Variants in UGGT2 observed in about 807,000 individuals in gnomAD.
The protein encoded by UGGT2 is UDP-glucose:glycoprotein glucosyltransferase 2.
In UGGT2, 180 loss-of-function variants were observed where a neutral mutation model predicts 192.1. The ratio of observed to expected loss-of-function variants is 0.94; its 90% CI spans 0.83 to 1.06. The LOEUF is 1.06. UGGT2 is among the 50% of genes least tolerant of loss of function. The probability of loss-of-function intolerance (pLI) is 0.00; values close to 1 mark genes in which losing one functional copy is unlikely to be tolerated. For missense variants in UGGT2, 1,849 were observed against 1,795.7 expected (o/e 1.03, Z -0.54); for synonymous variants, 580 against 591.0 (o/e 0.98, Z 0.27).
At chr13:95,959,179 C>T (rs2050309601) in intron 12 of UGGT2, among the ~76,000 whole-genome samples, 1 of 152,226 alleles carries the variant, frequency 6.6e-6, no homozygotes. Context: ...AGTCACACTG[C>T]CTCCCCAGCA....
chr13:96,000,753 A>G (rs1402556348), intron 5 of UGGT2, among the ~76,000 whole-genome samples: 2 of 152,180 alleles, frequency 1.3e-5, no homozygotes, highest in Non-Finnish European at 2.9e-5. Context: ...AATGTTCCTA[A>G]ATTCATATTT....
At chr13:95,853,303 G>T (rs1475746798) in intron 36 of UGGT2, among the ~76,000 whole-genome samples, 5 of 152,114 alleles carry the variant, frequency 3.3e-5, no homozygotes, top group Non-Finnish European at 7.4e-5. Flanking sequence ...CTAAAACAGG[G>T]CATAAAGTAG....
intron 36 of UGGT2, among the ~76,000 whole-genome samples, chr13:95,852,005 T>C (rs913210974): frequency 1.3e-5 from 2 of 152,198 alleles, no homozygotes; most frequent in Non-Finnish European, 2.9e-5. Flanking sequence ...AGTTTTCTAC[T>C]AACTGGCAAT....
intron 38 of UGGT2, among the ~76,000 whole-genome samples, chr13:95,814,576 G>T (rs191414733): frequency 4.6e-5 from 7 of 152,106 alleles, no homozygotes; most frequent in Admixed American, 1.3e-4. Flanking sequence ...GCTCATAGGC[G>T]AAGGGATTTG....
intron 32 of UGGT2, among the ~76,000 whole-genome samples, chr13:95,860,226 AT>A (rs1890029230): frequency 6.6e-6 from 1 of 151,564 alleles, no homozygotes; most frequent in South Asian, 2.1e-4. Context: ...ACTTTGCAAT[AT>A]GCATTTCTCC....
chr13:96,027,479 T>TATTTTCTGCCTTTATCTTCAAC (rs2052703958), intron 2 of UGGT2, among the ~76,000 whole-genome samples: 1 of 152,214 alleles, frequency 6.6e-6, no homozygotes, highest in African/African-American at 2.4e-5. Flanking sequence ...GCCCCTTCAA[T>TATTTTCTGCCTTTATCTTCAAC]ATTTTCTGCC....
intron 4 of UGGT2, among the ~76,000 whole-genome samples, chr13:96,020,340 G>A (rs542367398): frequency 1.8e-4 from 28 of 152,216 alleles, no homozygotes; most frequent in African/African-American, 6.0e-4. Context: ...ACAGTCTCTC[G>A]GGGTAGTCCA....
intron 17 of UGGT2, among the ~76,000 whole-genome samples, chr13:95,928,014 G>A (rs1209830900): frequency 1.3e-5 from 2 of 152,214 alleles, no homozygotes; most frequent in Non-Finnish European, 2.9e-5. Flanking sequence ...TCCCAAGGCA[G>A]AAGAATTTTT....
intron 4 of UGGT2, among the ~76,000 whole-genome samples, chr13:96,019,123 G>T (rs1333441862): frequency 2.2e-4 from 1 of 4,620 alleles, no homozygotes; most frequent in Middle Eastern, 0.071. Context: ...CCTACATAGC[G>T]GGGGGGGGGG....
At chr13:95,979,552 A>AAAAAAAAAAAAAT (rs2140844189) in intron 10 of UGGT2, among the ~76,000 whole-genome samples, 1 of 151,178 alleles carries the variant, frequency 6.6e-6, no homozygotes, top group South Asian at 2.1e-4. Flanking sequence ...CTTACGCAAA[A>AAAAAAAAAAAAAT]AAAAAAAAAA....
chr13:95,882,203 C>T (rs559306166), intron 27 of UGGT2, among the ~76,000 whole-genome samples: 6 of 152,272 alleles, frequency 3.9e-5, no homozygotes, highest in African/African-American at 9.6e-5. Flanking sequence ...CCACCATGCC[C>T]GGCCTAGCTT....
intron 6 of UGGT2, among the ~76,000 whole-genome samples, chr13:95,997,270 A>G (rs1009857610): frequency 8.5e-5 from 13 of 152,190 alleles, no homozygotes; most frequent in Non-Finnish European, 1.3e-4. Context: ...GAAGGCACAG[A>G]AAGATATGGG....
chr13:95,987,956 TG>T (rs2051341631), intron 8 of UGGT2, among the ~76,000 whole-genome samples: 1 of 152,194 alleles, frequency 6.6e-6, no homozygotes, highest in East Asian at 1.9e-4. Flanking sequence ...GTAACTAATA[TG>T]GGATCAGTAA....
intron 38 of UGGT2, chr13:95,832,662 C>A: frequency 1.9e-6 from 1 of 537,030 alleles, no homozygotes; most frequent in Non-Finnish European, 3.6e-6. Context: ...TATTTTTCAC[C>A]TCTATGTTGT....
At chr13:95,891,528 A>T (rs989919764) in intron 24 of UGGT2, among the ~76,000 whole-genome samples, 1 of 152,072 alleles carries the variant, frequency 6.6e-6, no homozygotes, top group Non-Finnish European at 1.5e-5. Context: ...TAGAAGATGG[A>T]CTAGTTTTTT....
At chr13:95,843,444 C>G (rs898467586) in intron 36 of UGGT2, among the ~76,000 whole-genome samples, 1 of 152,100 alleles carries the variant, frequency 6.6e-6, no homozygotes, top group African/African-American at 2.4e-5. Flanking sequence ...TTTAACAAAT[C>G]AGATTACTTA....
At chr13:95,939,557 A>G (rs2049591657) in intron 16 of UGGT2, among the ~76,000 whole-genome samples, 1 of 151,688 alleles carries the variant, frequency 6.6e-6, no homozygotes, top group Non-Finnish European at 1.5e-5. Context: ...ATGACAAGTA[A>G]AAAATATATA....
chr13:95,935,301 C>T (rs1274228901), intron 17 of UGGT2, among the ~76,000 whole-genome samples: 3 of 152,138 alleles, frequency 2.0e-5, no homozygotes, highest in Non-Finnish European at 4.4e-5. Context: ...GGGCTATGTA[C>T]TTAAGTGTGT....
At chr13:95,931,624 G>A (rs571080685) in intron 17 of UGGT2, among the ~76,000 whole-genome samples, 1 of 152,236 alleles carries the variant, frequency 6.6e-6, no homozygotes, top group African/African-American at 2.4e-5. Context: ...GGAGGCAGAT[G>A]AGGCAGCGAG....
Sources: allele counts gnomAD v4.1 joint callset (sites outside exome capture counted in the v4.1 genomes callset), GRCh38; gene constraint gnomAD v4.1.1; transcripts MANE v1.5; gene names NCBI Gene and HGNC (gene_info 2026-07-23, HGNC 2026-07-21).